BIN1: variants seen among roughly 807,000 people sequenced by gnomAD.
The protein encoded by BIN1 is myc box-dependent-interacting protein 1.
In BIN1, 53 loss-of-function variants were observed where a neutral mutation model predicts 82.0. The ratio of observed to expected loss-of-function variants is 0.65; its 90% CI spans 0.52 to 0.81. The LOEUF is 0.81. Ranked by LOEUF, BIN1 falls within the 40% of genes least tolerant of loss-of-function variation. The pLI, the probability that BIN1 is intolerant of heterozygous loss-of-function variation, is 0.00. For synonymous variants in BIN1, 302 were observed against 328.0 expected, an observed-to-expected ratio of 0.92 and a Z score of 0.86; for missense variants, 642 against 784.4, an observed-to-expected ratio of 0.82 and a Z score of 2.17.
intron 7 of BIN1, among the ~76,000 whole-genome samples, chr2:127,065,305 C>T (rs1254394992): frequency 2.7e-5 from 4 of 146,968 alleles, no homozygotes; most frequent in Non-Finnish European, 6.0e-5. Flanking sequence ...GAATGGGGAG[C>T]GGGGGGTGGG....
chr2:127,099,410 C>T (rs199983293), intron 1 of BIN1, among the ~76,000 whole-genome samples: 3 of 152,026 alleles, frequency 2.0e-5, no homozygotes, highest in African/African-American at 4.8e-5. Flanking sequence ...TTCTTTCCCC[C>T]CCAGGAACAT....
In BIN1 at chr2:127,082,174, G is replaced by T. The variant is rs989438381; in HGVS notation, c.85-5468C>A. Among the ~76,000 whole-genome samples, 1 of 152,070 alleles carries T rather than the reference G, an allele frequency of 6.6e-6. No individual in the cohort carries two copies. Among genetic ancestry groups the T allele is most frequent in the African/African-American group, 2.4e-5 (1 of 41,408 alleles). On this transcript the variant is annotated intron_variant, in intron 1 of 18. Coordinates refer to ENST00000316724, the MANE Select transcript of BIN1 (RefSeq NM_139343.3). This position sits in a 1 kb window ranked among gnomAD's most constrained non-coding sequence, Gnocchi z 6.1. ...CCCCGCCCCCCACCTCTGGGTCCAG[G>T]CTCGCTCACTGACTCCCGGGGGCTG... is the stretch of plus-strand genomic sequence containing the variant.
rs778025515 is a variant in BIN1 at position 127,057,015 on chromosome 2, G to A, written c.1131+458C>T. On this transcript the variant is annotated intron_variant, in intron 12 of 18. Transcript: ENST00000316724. This position sits in a 1 kb window ranked among gnomAD's most constrained non-coding sequence, Gnocchi z 5.0. ...CACGCCTCTTAGGGAGTGTGCACACGGCAGTTCTGCCCTGCAGCCTGGCCG... is the reference window on the plus strand; with the variant it reads ...CACGCCTCTTAGGGAGTGTGCACACAGCAGTTCTGCCCTGCAGCCTGGCCG... Among the ~76,000 whole-genome samples the A allele has an allele frequency of 5.3e-5, 8 of 152,216 alleles. No individual in the cohort carries two copies. Among genetic ancestry groups the A allele is most frequent in the South Asian group, 2.1e-4 (1 of 4,836 alleles).
In BIN1 at chr2:127,063,928, C is replaced by T; in HGVS notation, c.698+5G>A. The T allele has an allele frequency of 1.2e-6, 2 of 1,613,640 alleles. No individual in the cohort carries two copies. The highest frequency in any genetic ancestry group is 8.5e-7 in the Non-Finnish European group (1 of 1,179,966). On this transcript the variant is annotated splice_donor_5th_base_variant and intron_variant, in intron 8 of 18. Coordinates refer to ENST00000316724, the MANE Select transcript of BIN1 (RefSeq NM_139343.3). The stretch of plus-strand genomic sequence containing the variant: ...ACGCAGGCTGGGCACCGTGCTGGGC[C>T]TCACCTGTTCCACAGGGACGGCAGC...
rs75820491 is a variant in BIN1, at chr2:127,103,516, C to T, written c.84+3344G>A. Among the ~76,000 whole-genome samples the T allele has an allele frequency of 7.8e-3, 1,189 of 152,216 alleles. 18 individuals are homozygous for T. Among genetic ancestry groups the T allele is most frequent in the African/African-American group, 0.026 (1,099 of 41,532 alleles). Reference sequence around the variant, plus strand: ...CCCCTCCAGCATGCTCAGGACCTGCCGGGAGGGAGGGACAGCATGCACACT... The same window carrying T: ...CCCCTCCAGCATGCTCAGGACCTGCTGGGAGGGAGGGACAGCATGCACACT... On this transcript the variant is annotated intron_variant, in intron 1 of 18. Transcript: ENST00000316724.
intron 1 of BIN1, among the ~76,000 whole-genome samples, chr2:127,080,952 G>A (rs931756732): frequency 1.8e-4 from 27 of 152,214 alleles, no homozygotes; most frequent in Admixed American, 1.2e-3. Flanking sequence ...TCCGGCACCC[G>A]GGTCCACAGG....
chr2:127,071,708 T>C (rs1405393797), intron 2 of BIN1, among the ~76,000 whole-genome samples: 1 of 152,284 alleles, frequency 6.6e-6, no homozygotes, highest in East Asian at 1.9e-4. Flanking sequence ...AGAAGCCACG[T>C]GCAAAGAGTG....
At chr2:127,073,391 G>A (rs1384257326) in intron 2 of BIN1, among the ~76,000 whole-genome samples, 1 of 152,250 alleles carries the variant, frequency 6.6e-6, no homozygotes, top group Non-Finnish European at 1.5e-5. Flanking sequence ...ACAGAGCCCA[G>A]CTGGGGGAAG....
chr2:127,074,121 T>C (rs1230940969), intron 2 of BIN1, among the ~76,000 whole-genome samples: 1 of 152,040 alleles, frequency 6.6e-6, no homozygotes, highest in Non-Finnish European at 1.5e-5. Context: ...CTGGGCCCAC[T>C]AGGCTTGGGG....
intron 7 of BIN1, 49 bp from the exon 8 acceptor site, chr2:127,064,067 C>T (rs1389798852): frequency 6.2e-7 from 1 of 1,609,326 alleles, no homozygotes; most frequent in Non-Finnish European, 8.5e-7. Context: ...CCCAGCCAGC[C>T]CAGCCCCATG....
intron 9 of BIN1, 146 bp downstream of exon 9, chr2:127,063,425 C>T (rs1684750564): frequency 6.7e-6 from 6 of 890,636 alleles, no homozygotes; most frequent in Non-Finnish European, 1.1e-5. Flanking sequence ...GGGGCTGTTC[C>T]ACAGGGCCGG....
At chr2:127,086,656 C>T (rs926744857) in intron 1 of BIN1, among the ~76,000 whole-genome samples, 7 of 152,104 alleles carry the variant, frequency 4.6e-5, no homozygotes, top group African/African-American at 9.7e-5. Flanking sequence ...TACAGGCGCA[C>T]GTCACCACGC....
intron 18 of BIN1, among the ~76,000 whole-genome samples, chr2:127,049,117 C>G (rs905731350): frequency 2.0e-5 from 3 of 152,212 alleles, no homozygotes; most frequent in African/African-American, 2.4e-5. Context: ...CACGGGGAGC[C>G]GTATGGCCAT....
intron 1 of BIN1, among the ~76,000 whole-genome samples, chr2:127,089,480 T>C (rs1323867545): frequency 6.6e-6 from 1 of 152,114 alleles, no homozygotes; most frequent in Non-Finnish European, 1.5e-5. Flanking sequence ...GGGGTGGTCA[T>C]CACCTGAGAT....
rs1681260766 is a variant in BIN1, at chr2:127,107,091, C to T, written c.-148G>A. 4 of 836,166 alleles carry T rather than the reference C, an allele frequency of 4.8e-6. No individual in the cohort carries two copies. Among genetic ancestry groups the T allele is most frequent in the Non-Finnish European group, 6.5e-6 (4 of 611,666 alleles). 51.8% of individuals were successfully genotyped at this position (836,166 alleles called of 1,614,324 possible). A position where few individuals can be genotyped will look rare whatever the true frequency, so the allele number is the denominator to read the frequency against. On this transcript the variant is annotated 5_prime_UTR_variant, in exon 1 of 19. Coordinates refer to ENST00000316724, the MANE Select transcript of BIN1 (RefSeq NM_139343.3). This position sits in a 1 kb window ranked among gnomAD's most constrained non-coding sequence, Gnocchi z 5.9. ...CGACAGCGGAGCCAACTGACGGAGG[C>T]GGAGCGTGCGCCGGACGGGCGAGCG...
intron 7 of BIN1, among the ~76,000 whole-genome samples, chr2:127,065,665 C>A (rs1009004924): frequency 2.6e-5 from 4 of 152,186 alleles, no homozygotes; most frequent in Admixed American, 2.6e-4. Flanking sequence ...GATGCAGCCA[C>A]CACCCCCACA....
chr2:127,051,100 C>G (rs1682882861), intron 16 of BIN1, 54 bp downstream of exon 16: 2 of 1,604,736 alleles, frequency 1.2e-6, no homozygotes, highest in Middle Eastern at 1.9e-4. Context: ...GAGCCCCGGA[C>G]AGGCAGGCGG....
At chr2:127,104,268 G>C (rs1313861939) in intron 1 of BIN1, among the ~76,000 whole-genome samples, 2 of 152,246 alleles carry the variant, frequency 1.3e-5, no homozygotes, top group African/African-American at 4.8e-5. Context: ...CACACACCTG[G>C]ATGTGCCCTG....
intron 2 of BIN1, among the ~76,000 whole-genome samples, chr2:127,072,407 C>T (rs184025703): frequency 2.9e-4 from 44 of 152,308 alleles, no homozygotes; most frequent in Admixed American, 1.9e-3. Flanking sequence ...GGTCAGCGAC[C>T]GGCCCAGTCA....
Sources: gnomAD v4.1 joint callset for allele counts (sites outside exome capture counted in the v4.1 genomes callset) on GRCh38, gnomAD v4.1.1 for gene constraint, Gnocchi (gnomAD v3.1) non-coding constraint, MANE v1.5 for transcripts, NCBI Gene and HGNC (gene_info 2026-07-23, HGNC 2026-07-21) for gene names.